Variants in VPS26C observed in about 807,000 individuals in gnomAD.
The protein encoded by VPS26C is vacuolar protein sorting-associated protein 26C.
Under a neutral mutation model 30.6 loss-of-function variants are expected in VPS26C, and 19 were observed. That is an observed-to-expected ratio of 0.62 (90% CI 0.43 to 0.91). The LOEUF is 0.91. Ranked by LOEUF, VPS26C falls within the 40% of genes least tolerant of loss-of-function variation. VPS26C has a pLI of 0.00. For synonymous variants in VPS26C, 132 were observed against 151.5 expected, an observed-to-expected ratio of 0.87 and a Z score of 0.95; for missense variants, 318 against 385.1, an observed-to-expected ratio of 0.83 and a Z score of 1.46.
intron 1 of VPS26C, among the ~76,000 whole-genome samples, chr21:37,249,190 A>G (rs1441640545): frequency 1.3e-5 from 2 of 152,208 alleles, no homozygotes; most frequent in South Asian, 2.1e-4. Flanking sequence ...TATCACCACA[A>G]TTAACGTTCT....
intron 1 of VPS26C, among the ~76,000 whole-genome samples, chr21:37,245,575 A>G (rs1437626407): frequency 6.6e-6 from 1 of 152,072 alleles, no homozygotes; most frequent in Admixed American, 6.5e-5. Flanking sequence ...TGACACTTAC[A>G]CCTTCCAAAA....
At chr21:37,236,763 G>T (rs1445799628) in intron 3 of VPS26C, among the ~76,000 whole-genome samples, 1 of 152,176 alleles carries the variant, frequency 6.6e-6, no homozygotes, top group Admixed American at 6.5e-5. Context: ...GGGAGGTACT[G>T]AATTCCAAAT....
chr21:37,265,203 C>T (rs1288353864), intron 1 of VPS26C, among the ~76,000 whole-genome samples: 1 of 152,100 alleles, frequency 6.6e-6, no homozygotes, highest in Admixed American at 6.6e-5. Context: ...AGAATTAGAT[C>T]GTGGTGATGG....
chr21:37,227,945 T>G (rs1602261263), intron 6 of VPS26C, 139 bp from the exon 7 acceptor site: 1 of 1,182,152 alleles, frequency 8.5e-7, no homozygotes, highest in African/African-American at 1.5e-5. Flanking sequence ...ACGCGGCTAC[T>G]GCTAAGGCAC....
chr21:37,250,533 A>G (rs2086181596), intron 1 of VPS26C, among the ~76,000 whole-genome samples: 1 of 152,188 alleles, frequency 6.6e-6, no homozygotes, highest in African/African-American at 2.4e-5. Flanking sequence ...ATGATAAACT[A>G]GGTAAAATAC....
chr21:37,252,017 G>T (rs2086198638), intron 1 of VPS26C, among the ~76,000 whole-genome samples: 1 of 152,182 alleles, frequency 6.6e-6, no homozygotes, highest in Non-Finnish European at 1.5e-5. Context: ...CCACAGTCGT[G>T]TGCATATATC....
chr21:37,260,788 A>G (rs1212106177), intron 1 of VPS26C, among the ~76,000 whole-genome samples: 2 of 152,220 alleles, frequency 1.3e-5, no homozygotes, highest in Admixed American at 6.5e-5. Context: ...TGACTATTTT[A>G]AAGCAAATAC....
At chr21:37,240,316 G>A (rs2086072130) in intron 2 of VPS26C, among the ~76,000 whole-genome samples, 180 bp downstream of exon 2, 1 of 151,980 alleles carries the variant, frequency 6.6e-6, no homozygotes. Flanking sequence ...ATAGAGATGG[G>A]GTCTTGCTAT....
At chr21:37,267,558 G>A, upstream of VPS26C, 1 of 547,906 alleles carries the variant, frequency 1.8e-6, no homozygotes, top group Admixed American at 3.5e-5. Flanking sequence ...GAAAGACGGG[G>A]CCAAGCTAGC....
At chr21:37,266,926 A>C (rs1602294744) in intron 1 of VPS26C, 2 of 452,734 alleles carry the variant, frequency 4.4e-6, no homozygotes, top group Non-Finnish European at 7.9e-6. Context: ...AAGCCTGAGA[A>C]CCCAACACCG....
chr21:37,245,330 C>T (rs1888465), intron 1 of VPS26C, among the ~76,000 whole-genome samples: 19,422 of 152,192 alleles, frequency 0.13, 1,446 homozygotes, highest in East Asian at 0.23. Context: ...CCGCCCTCTC[C>T]TTACCTGACG....
At chr21:37,252,074 T>C (rs911668702) in intron 1 of VPS26C, among the ~76,000 whole-genome samples, 2 of 152,120 alleles carry the variant, frequency 1.3e-5, no homozygotes, top group Non-Finnish European at 2.9e-5. Context: ...TGCCATCCCA[T>C]TTGGTCTAAA....
intron 1 of VPS26C, among the ~76,000 whole-genome samples, chr21:37,258,677 A>T (rs760170086): frequency 3.3e-5 from 5 of 152,156 alleles, no homozygotes; most frequent in Non-Finnish European, 7.4e-5. Context: ...TGCACCGGGG[A>T]CTCGGCATTA....
At chr21:37,264,586 C>T (rs888249062) in intron 1 of VPS26C, among the ~76,000 whole-genome samples, 9 of 152,150 alleles carry the variant, frequency 5.9e-5, no homozygotes, top group Admixed American at 2.6e-4. Flanking sequence ...AAGTTAAATG[C>T]ATATATAGTC....
intron 1 of VPS26C, chr21:37,266,961 G>A (rs1480391451): frequency 5.4e-6 from 2 of 367,172 alleles, no homozygotes; most frequent in Admixed American, 1.8e-4. Context: ...GGCCAGATGG[G>A]AAGAGCGCAG....
intron 1 of VPS26C, among the ~76,000 whole-genome samples, chr21:37,254,135 G>A (rs1414703552): frequency 6.6e-6 from 1 of 152,154 alleles, no homozygotes; most frequent in Non-Finnish European, 1.5e-5. Context: ...GTCCGCCAAA[G>A]AAAATGCTCT....
chr21:37,261,557 T>C (rs2086303873), intron 1 of VPS26C: 1 of 151,946 alleles, frequency 6.6e-6, no homozygotes, highest in Non-Finnish European at 1.5e-5. Context: ...GTTTCTAAAA[T>C]TTAAATATTA....
chr21:37,254,938 G>A (rs2086228116), intron 1 of VPS26C, among the ~76,000 whole-genome samples: 1 of 152,204 alleles, frequency 6.6e-6, no homozygotes, highest in African/African-American at 2.4e-5. Flanking sequence ...TCTGGGGACA[G>A]ATCACCTAAG....
chr21:37,249,784 A>T (rs1396004635), intron 1 of VPS26C, among the ~76,000 whole-genome samples: 1 of 152,200 alleles, frequency 6.6e-6, no homozygotes, highest in East Asian at 1.9e-4. Context: ...AAAAGAAGGA[A>T]ATTGGAGAAA....
Sources: gnomAD v4.1 joint callset for allele counts (sites outside exome capture counted in the v4.1 genomes callset) on GRCh38, gnomAD v4.1.1 for gene constraint, MANE v1.5 for transcripts, NCBI Gene and HGNC (gene_info 2026-07-23, HGNC 2026-07-21) for gene names.